Variants in DNAJC10 observed in about 807,000 individuals in gnomAD.
DNAJC10 encodes the protein endoplasmic reticulum disulfide reductase DNAJC10.
DNAJC10 carries 101 observed loss-of-function variants against 115.0 expected under a neutral mutation model. That is an observed-to-expected ratio of 0.88 (90% CI 0.75 to 1.04). The LOEUF (loss-of-function observed/expected upper bound fraction) is 1.04. Among genes scored for constraint, DNAJC10 ranks in the 50% least tolerant of loss-of-function variants. DNAJC10 has a pLI of 0.00. For synonymous variants in DNAJC10, 307 were observed against 301.5 expected (o/e 1.02, Z -0.19); for missense variants, 981 against 928.8 (o/e 1.06, Z -0.73).
chr2:182,783,868 A>T lies in DNAJC10; in HGVS notation c.*6736A>T, dbSNP rs1465716046. 2.0e-5 allele frequency: 3 copies of T among 152,210 alleles called. No homozygotes were observed. The highest frequency in any genetic ancestry group is 4.4e-5 in the Non-Finnish European group (3 of 68,036). 9.4% of individuals were successfully genotyped at this position (152,210 alleles called of 1,614,324 possible). A position where few individuals can be genotyped will look rare whatever the true frequency, so the allele number is the denominator to read the frequency against. ...TCACCAAAGAACTCAAGAATGAATA[A>T]CATGATCTATCAAAAGGCCTATAAT... On this transcript the variant is annotated 3_prime_UTR_variant, in exon 24 of 24. Coordinates refer to ENST00000264065, the MANE Select transcript of DNAJC10 (RefSeq NM_018981.4).
intron 10 of DNAJC10, among the ~76,000 whole-genome samples, chr2:182,735,800 A>G (rs1693568061): frequency 6.6e-6 from 1 of 152,152 alleles, no homozygotes; most frequent in Non-Finnish European, 1.5e-5. Context: ...AACTGGGAAG[A>G]TACTAATTTA....
intron 9 of DNAJC10, 123 bp from the exon 10 acceptor site, chr2:182,732,376 A>T (rs532420162): frequency 2.3e-6 from 2 of 856,742 alleles, no homozygotes; most frequent in Non-Finnish European, 2.0e-6. Context: ...ATATCTATCA[A>T]TAGAGTCCAG....
intron 14 of DNAJC10, among the ~76,000 whole-genome samples, chr2:182,750,980 T>C (rs1217866364): frequency 6.6e-6 from 1 of 152,132 alleles, no homozygotes; most frequent in Admixed American, 6.6e-5. Flanking sequence ...ATATGGGTTT[T>C]GAATTCATAA....
At chr2:182,776,162 C>A (rs967887621) in intron 23 of DNAJC10, among the ~76,000 whole-genome samples, 1 of 151,480 alleles carries the variant, frequency 6.6e-6, no homozygotes, top group Non-Finnish European at 1.5e-5. Flanking sequence ...GTGACTGTGG[C>A]CATAAATTAT....
chr2:182,772,487 A>C (rs989974790), intron 22 of DNAJC10, among the ~76,000 whole-genome samples: 7 of 152,132 alleles, frequency 4.6e-5, no homozygotes, highest in Non-Finnish European at 7.4e-5. Context: ...TACTTTATGA[A>C]TCTGGGTGCT....
intron 14 of DNAJC10, among the ~76,000 whole-genome samples, chr2:182,746,930 G>C (rs1214192382): frequency 6.6e-6 from 1 of 151,714 alleles, no homozygotes; most frequent in Non-Finnish European, 1.5e-5. Flanking sequence ...AAGGGATCCA[G>C]TTTCAGCTTT....
chr2:182,774,817 AC>A (rs56680666), intron 22 of DNAJC10, among the ~76,000 whole-genome samples: 97,672 of 151,910 alleles, frequency 0.64, 31,797 homozygotes, highest in Middle Eastern at 0.73. Context: ...GTGAGACAAC[AC>A]CCCCCCCAAT....
intron 13 of DNAJC10, among the ~76,000 whole-genome samples, chr2:182,743,380 C>G (rs1574935096): frequency 6.6e-6 from 1 of 152,112 alleles, no homozygotes; most frequent in African/African-American, 2.4e-5. Flanking sequence ...GGGAATTCCT[C>G]AGGTTTTTTT....
At chr2:182,771,696 C>T (rs1033081132) in intron 22 of DNAJC10, among the ~76,000 whole-genome samples, 5 of 152,042 alleles carry the variant, frequency 3.3e-5, no homozygotes, top group East Asian at 1.9e-4. Flanking sequence ...TTTTTTATTG[C>T]GTCCATTTGA....
intron 13 of DNAJC10, among the ~76,000 whole-genome samples, chr2:182,741,609 T>A (rs1038494179): frequency 5.3e-5 from 8 of 152,176 alleles, no homozygotes; most frequent in Admixed American, 3.9e-4. Flanking sequence ...GAATGCATAC[T>A]GTAGGAGGTT....
chr2:182,756,409 C>G lies in DNAJC10; in HGVS notation c.1749C>G (p.Phe583Leu). The G allele has an allele frequency of 3.1e-6, 5 of 1,614,034 alleles. No homozygotes were observed. The highest frequency in any genetic ancestry group is 4.2e-6 in the Non-Finnish European group (5 of 1,179,932). ...RKHNEVWMVD[F>L]YSPWCHPCQV... ...ACAACGAAGTCTGGATGGTTGATTT[C>G]TATTCTCCGTGGTGTCATCCTTGCC... is the stretch of plus-strand genomic sequence containing the variant. Residue 583 changes from phenylalanine to leucine, a missense_variant, in exon 18 of 24, where the codon TTC becomes TTG. Physicochemically the swap from Phe to Leu is conservative, Grantham distance 22 (BLOSUM62 0). Transcript: ENST00000264065.
Position 182,779,561 on chromosome 2 carries a change from A to G in DNAJC10, c.*2429A>G, listed in dbSNP as rs547346340. 3.3e-5 allele frequency: 5 copies of G among 152,340 alleles called. No individual in the cohort carries two copies. The East Asian group carries it at 9.6e-4, about 29-fold the overall frequency. 9.4% of individuals were successfully genotyped at this position (152,340 alleles called of 1,614,324 possible). Reference sequence around the variant, plus strand: ...GGATTTTGAATCCAGCCTGGGCAACATAGCAAGACCCCATCTCTAATAAAT... The same window carrying G: ...GGATTTTGAATCCAGCCTGGGCAACGTAGCAAGACCCCATCTCTAATAAAT... On this transcript the variant is annotated 3_prime_UTR_variant, in exon 24 of 24. Transcript: ENST00000264065.
rs572624909 is a variant in DNAJC10, at chr2:182,742,839, T to C, written c.1192-759T>C. ...GATGGGATGTTTGTCCAGCTTTTTC[T>C]TTGTTTTTTTTTCTTTTTTTTTAAT... On this transcript the variant is annotated intron_variant, in intron 13 of 23. Coordinates refer to ENST00000264065, the MANE Select transcript of DNAJC10 (RefSeq NM_018981.4). Among the ~76,000 whole-genome samples, 7 of 152,118 alleles carry C rather than the reference T, an allele frequency of 4.6e-5. No homozygotes were observed. In the East Asian group the frequency reaches 1.4e-3, roughly 29 times the overall value.
chr2:182,727,435 ATTT>A (rs1693318171), intron 5 of DNAJC10, among the ~76,000 whole-genome samples: 1 of 152,186 alleles, frequency 6.6e-6, no homozygotes, highest in Non-Finnish European at 1.5e-5. Context: ...TTCTGTTAAT[ATTT>A]TTACCTAAAT....
chr2:182,740,165 G>T, intron 11 of DNAJC10, 134 bp from the exon 12 acceptor site: 2 of 1,160,936 alleles, frequency 1.7e-6, no homozygotes, highest in Non-Finnish European at 2.2e-6. Context: ...AAGACATTTG[G>T]AATTGTTTGA....
At position 182,720,012 on chromosome 2, in the gene DNAJC10, C is replaced by T; in HGVS notation, c.210C>T (p.Asn70=). ...LKLHPDKNPN[N]PNAHGDFLKI... is the part of the protein sequence containing the mutation. ...TATCTAATATTTTTTAACAGAATAACCCAAATGCACATGGCGATTTTTTAA... is the reference window on the plus strand; with the variant it reads ...TATCTAATATTTTTTAACAGAATAATCCAAATGCACATGGCGATTTTTTAA... Residue 70 remains asparagine (N), a synonymous_variant, in exon 4 of 24, where the codon AAC becomes AAT. Coordinates refer to ENST00000264065, the MANE Select transcript of DNAJC10 (RefSeq NM_018981.4). 1.3e-6 allele frequency: 2 copies of T among 1,525,866 alleles called. No homozygotes were observed. Among genetic ancestry groups the T allele is most frequent in the Non-Finnish European group, 1.8e-6 (2 of 1,111,652 alleles). The allele number at this position is 1,525,866 out of a possible 1,614,324, so 94.5% of individuals were successfully genotyped here. A position where few individuals can be genotyped will look rare whatever the true frequency, so the allele number is the denominator to read the frequency against.
chr2:182,726,873 G>A (rs562048110), intron 5 of DNAJC10, among the ~76,000 whole-genome samples: 1 of 151,058 alleles, frequency 6.6e-6, no homozygotes, highest in Non-Finnish European at 1.5e-5. Flanking sequence ...CTGAGACTGC[G>A]GGCATGTGCC....
In DNAJC10 at chr2:182,773,146, G is replaced by A. The variant is rs957719541; in HGVS notation, c.2266-2170G>A. Reference sequence around the variant, plus strand: ...CTGGGTTGAAAATTCTTTTAAGAATGTTGAATATTGGCCCCCACTATCTCC... The same window carrying A: ...CTGGGTTGAAAATTCTTTTAAGAATATTGAATATTGGCCCCCACTATCTCC... On this transcript the variant is annotated intron_variant, in intron 22 of 23. Coordinates refer to ENST00000264065, the MANE Select transcript of DNAJC10 (RefSeq NM_018981.4). Among the ~76,000 whole-genome samples the A allele has an allele frequency of 7.9e-5, 12 of 152,322 alleles. No individual in the cohort carries two copies. In the South Asian group the frequency reaches 2.5e-3, roughly 32 times the overall value.
At chr2:182,759,391 G>T in intron 21 of DNAJC10, 84 bp downstream of exon 21, 8 of 1,377,206 alleles carry the variant, frequency 5.8e-6, no homozygotes, top group African/African-American at 1.5e-5. Flanking sequence ...GTAATTTTTA[G>T]GTTTTTTTCT....
Sources: gnomAD v4.1 joint callset for allele counts (sites outside exome capture counted in the v4.1 genomes callset) on GRCh38, gnomAD v4.1.1 for gene constraint, MANE v1.5 for transcripts, NCBI Gene and HGNC (gene_info 2026-07-23, HGNC 2026-07-21) for gene names.